XPO4: variants seen among roughly 807,000 people sequenced by gnomAD.
XPO4 encodes exportin-4.
XPO4 carries 39 observed loss-of-function variants against 143.0 expected under a neutral mutation model. The observed-to-expected ratio is 0.27, with a 90% CI of 0.21 to 0.36. The LOEUF (loss-of-function observed/expected upper bound fraction) is 0.36. Ranked by LOEUF, XPO4 falls within the 10% of genes least tolerant of loss-of-function variation. XPO4 has a pLI of 1.00. For synonymous variants in XPO4, 439 were observed against 474.0 expected (o/e 0.93, Z 0.96); for missense variants, 907 against 1,348.0 (o/e 0.67, Z 5.12).
At position 20,809,121 on chromosome 13, in the gene XPO4, T is replaced by C. The variant is rs770979976; in HGVS notation, c.1455A>G (p.Gly485=). ...GTATACAGTGTTCTGCAGCAATTCTTCCTAGCATTCCTACACTGGCCAGTT... is the reference window on the plus strand; with the variant it reads ...GTATACAGTGTTCTGCAGCAATTCTCCCTAGCATTCCTACACTGGCCAGTT... ...SDQLASVGML[G]RIAAEHCIPL... The change falls in exon 11 of 23, where the codon GGA becomes GGG. Residue 485 remains glycine (G), a synonymous_variant. Transcript: ENST00000255305. 1.9e-6 allele frequency: 3 copies of C among 1,614,066 alleles called. No homozygotes were observed. The highest frequency in any genetic ancestry group is 2.5e-6 in the Non-Finnish European group (3 of 1,179,950).
intron 3 of XPO4, 31 bp from the exon 4 acceptor site, chr13:20,855,796 T>G: frequency 6.5e-7 from 1 of 1,550,332 alleles, no homozygotes; most frequent in African/African-American, 1.4e-5. Context: ...TGTGAAAAAT[T>G]TACCTAAATC....
intron 3 of XPO4, among the ~76,000 whole-genome samples, chr13:20,861,587 C>T (rs1432951839): frequency 6.6e-6 from 1 of 152,016 alleles, no homozygotes; most frequent in African/African-American, 2.4e-5. Flanking sequence ...TGAGCCACCA[C>T]ATCAGGCCTC....
intron 9 of XPO4, among the ~76,000 whole-genome samples, chr13:20,812,377 T>C (rs1192980127): frequency 1.3e-5 from 2 of 152,112 alleles, no homozygotes; most frequent in Non-Finnish European, 2.9e-5. Flanking sequence ...TCAATAAATG[T>C]TGCAGAAAAA....
intron 6 of XPO4, among the ~76,000 whole-genome samples, chr13:20,840,834 C>T (rs1489270812): frequency 6.6e-6 from 1 of 152,328 alleles, no homozygotes; most frequent in Admixed American, 6.5e-5. Flanking sequence ...AAAGGTCACA[C>T]AAGAACTCAC....
intron 9 of XPO4, among the ~76,000 whole-genome samples, chr13:20,815,517 G>T (rs918041896): frequency 2.0e-5 from 3 of 152,052 alleles, no homozygotes; most frequent in Non-Finnish European, 4.4e-5. Flanking sequence ...TCTAATATCA[G>T]GTACTGTAAA....
intron 6 of XPO4, among the ~76,000 whole-genome samples, chr13:20,841,278 CA>C (rs2059970918): frequency 6.6e-6 from 1 of 152,130 alleles, no homozygotes; most frequent in African/African-American, 2.4e-5. Flanking sequence ...TCTCTCTCCC[CA>C]ACTGCAAGAT....
chr13:20,785,901 A>AG (rs1555329590), intron 22 of XPO4, among the ~76,000 whole-genome samples: 11 of 126,476 alleles, frequency 8.7e-5, no homozygotes, highest in South Asian at 5.5e-4. Context: ...AGAAAGAAAG[A>AG]GGAGGGAGGA....
chr13:20,894,848 G>GAA (rs35478335), intron 1 of XPO4, among the ~76,000 whole-genome samples: 1 of 114,822 alleles, frequency 8.7e-6, no homozygotes. Context: ...TCATCTCAAA[G>GAA]AAAAAAAAAA....
At position 20,885,003 on chromosome 13, in the gene XPO4, G is replaced by A. The variant is rs147692932; in HGVS notation, c.70-16302C>T. 1.5e-3 allele frequency among the ~76,000 whole-genome samples: 230 copies of A among 152,066 alleles called. 4 individuals carry two copies. The East Asian group carries it at 0.042, about 28-fold the overall frequency. Reference sequence around the variant, plus strand: ...TTTGAGACGGAGTTTCCCTCTTGTTGCCCAGGCTGGAATGCAATGGTGCAA... The same window carrying A: ...TTTGAGACGGAGTTTCCCTCTTGTTACCCAGGCTGGAATGCAATGGTGCAA... On this transcript the variant is annotated intron_variant, in intron 1 of 22. Transcript: ENST00000255305.
chr13:20,878,420 AAG>A (rs1186889301), intron 1 of XPO4, among the ~76,000 whole-genome samples: 1 of 140,856 alleles, frequency 7.1e-6, no homozygotes, highest in African/African-American at 3.0e-5. Flanking sequence ...TAGAAAAAAA[AAG>A]AAGAAGTAAC....
chr13:20,881,573 AATTT>A (rs2060410520), intron 1 of XPO4, among the ~76,000 whole-genome samples: 4 of 152,176 alleles, frequency 2.6e-5, no homozygotes, highest in Non-Finnish European at 5.9e-5. Flanking sequence ...TCCAGCCAAT[AATTT>A]TTTTTAAAAG....
intron 12 of XPO4, among the ~76,000 whole-genome samples, 189 bp downstream of exon 12, chr13:20,808,247 C>T (rs1273183906): frequency 6.6e-6 from 1 of 152,148 alleles, no homozygotes; most frequent in Non-Finnish European, 1.5e-5. Context: ...ATTTGGTATG[C>T]AATAGGCACT....
chr13:20,793,766 T>C (rs2059317053), intron 18 of XPO4, among the ~76,000 whole-genome samples: 1 of 152,166 alleles, frequency 6.6e-6, no homozygotes, highest in Non-Finnish European at 1.5e-5. Flanking sequence ...TCTGAAACAT[T>C]TCACCCTTAA....
At chr13:20,837,838 C>T (rs976592945) in intron 6 of XPO4, among the ~76,000 whole-genome samples, 3 of 152,186 alleles carry the variant, frequency 2.0e-5, no homozygotes, top group Non-Finnish European at 2.9e-5. Flanking sequence ...TTCACTACCA[C>T]GAGAACAGTA....
intron 18 of XPO4, among the ~76,000 whole-genome samples, chr13:20,794,147 C>T (rs538304949): frequency 1.4e-4 from 22 of 152,062 alleles, no homozygotes; most frequent in African/African-American, 2.7e-4. Flanking sequence ...CGCTGCCCAG[C>T]GCTGGGATCT....
intron 1 of XPO4, among the ~76,000 whole-genome samples, chr13:20,897,860 G>A (rs1416674032): frequency 2.0e-5 from 3 of 152,168 alleles, no homozygotes; most frequent in African/African-American, 7.2e-5. Flanking sequence ...TGATTCTCCT[G>A]CCTCAGCCTC....
chr13:20,813,198 G>A (rs1408399118), intron 9 of XPO4, among the ~76,000 whole-genome samples: 2 of 152,042 alleles, frequency 1.3e-5, no homozygotes, highest in Admixed American at 6.6e-5. Context: ...CCCCCACCAG[G>A]TCCCCGCCCC....
At chr13:20,789,704 G>A (rs113527921) in intron 19 of XPO4, among the ~76,000 whole-genome samples, 5,782 of 151,862 alleles carry the variant, frequency 0.038, 372 homozygotes, top group African/African-American at 0.13. Context: ...CACTGCGCCC[G>A]GCCCAGCCTC....
intron 1 of XPO4, among the ~76,000 whole-genome samples, chr13:20,878,590 C>A (rs541482333): frequency 1.6e-4 from 24 of 152,026 alleles, no homozygotes; most frequent in Non-Finnish European, 1.8e-4. Context: ...GTACAATACA[C>A]CATTTATATA....
Sources: gnomAD v4.1 joint callset for allele counts (sites outside exome capture counted in the v4.1 genomes callset) on GRCh38, gnomAD v4.1.1 for gene constraint, MANE v1.5 for transcripts, NCBI Gene and HGNC (gene_info 2026-07-23, HGNC 2026-07-21) for gene names.